The following LINGO1 variants were observed in gnomAD, a reference collection of about 807,000 sequenced individuals.
LINGO1 encodes the protein leucine rich repeat and Ig domain containing 1.
Under a neutral mutation model 37.3 loss-of-function variants are expected in LINGO1, and 11 were observed. The ratio of observed to expected loss-of-function variants is 0.29; its 90% CI spans 0.19 to 0.49. The LOEUF is 0.49. Ranked by LOEUF, LINGO1 falls within the 20% of genes least tolerant of loss-of-function variation. The probability of loss-of-function intolerance (pLI) is 0.99; values close to 1 mark genes in which losing one functional copy is unlikely to be tolerated. For synonymous variants in LINGO1, 387 were observed against 403.0 expected, an observed-to-expected ratio of 0.96 and a Z score of 0.48; for missense variants, 585 against 878.2, an observed-to-expected ratio of 0.67 and a Z score of 4.22.
chr15:77,689,850 G>A (rs1302399397), intron 2 of LINGO1, among the ~76,000 whole-genome samples: 3 of 152,114 alleles, frequency 2.0e-5, no homozygotes, highest in African/African-American at 4.8e-5. Context: ...CCAAACCAGC[G>A]ATGTCCCAAA....
At chr15:77,806,706 AC>A (rs1427073271) in intron 1 of LINGO1, among the ~76,000 whole-genome samples, 4 of 151,138 alleles carry the variant, frequency 2.6e-5, no homozygotes, top group African/African-American at 7.3e-5. Context: ...GGGGACCCCG[AC>A]CCCCCAGTCC....
At chr15:77,819,770 C>T (rs918267116) in intron 1 of LINGO1, among the ~76,000 whole-genome samples, 2 of 151,080 alleles carry the variant, frequency 1.3e-5, no homozygotes, top group Admixed American at 1.3e-4. Flanking sequence ...CTCCCGCACC[C>T]TGCCTGGCCG....
chr15:77,795,764 C>T (rs900244228), intron 2 of LINGO1, among the ~76,000 whole-genome samples: 11 of 152,256 alleles, frequency 7.2e-5, no homozygotes, highest in African/African-American at 2.7e-4. Context: ...AGCTGCCTGC[C>T]GGAGCCCTGC....
At chr15:77,661,568 T>C (rs899572524) in intron 3 of LINGO1, among the ~76,000 whole-genome samples, 1 of 152,204 alleles carries the variant, frequency 6.6e-6, no homozygotes, top group Non-Finnish European at 1.5e-5. Context: ...CGCCAGACAC[T>C]ATCTGTTTCC....
chr15:77,810,364 A>C (rs1357830989), intron 1 of LINGO1, among the ~76,000 whole-genome samples: 3 of 152,002 alleles, frequency 2.0e-5, no homozygotes, highest in South Asian at 4.2e-4. Context: ...ACACACACAG[A>C]GGAATCTAGG....
At chr15:77,674,054 ACCACTCCTCTCCCCTACACCAAC>A (rs2075291748) in intron 3 of LINGO1, among the ~76,000 whole-genome samples, 1 of 151,506 alleles carries the variant, frequency 6.6e-6, no homozygotes, top group Non-Finnish European at 1.5e-5. Flanking sequence ...CCACCACTGA[ACCACTCCTCTCCCCTACACCAAC>A]CCGCTCCTCT....
chr15:77,724,187 C>T (rs2076079600), intron 2 of LINGO1, among the ~76,000 whole-genome samples: 1 of 152,208 alleles, frequency 6.6e-6, no homozygotes, highest in East Asian at 1.9e-4. Context: ...CCGCTTCCTC[C>T]AGGTACCCCC....
At chr15:77,630,825 G>A (rs2074233142) in intron 1 of LINGO1, among the ~76,000 whole-genome samples, 2 of 152,178 alleles carry the variant, frequency 1.3e-5, no homozygotes, top group South Asian at 2.1e-4. Context: ...TGGGATCCCC[G>A]ATGTGAGTCT....
intron 1 of LINGO1, among the ~76,000 whole-genome samples, chr15:77,749,643 G>T (rs2076351141): frequency 6.6e-6 from 1 of 152,174 alleles, no homozygotes; most frequent in Admixed American, 6.5e-5. Flanking sequence ...CACGGCTGCT[G>T]CGTGGACTGC....
intron 1 of LINGO1, among the ~76,000 whole-genome samples, chr15:77,748,909 C>CTTTTTTTTTTTTTTTTTTT (rs67399483): frequency 1.1e-5 from 1 of 87,792 alleles, no homozygotes; most frequent in African/African-American, 4.3e-5. Context: ...CCTTCCTTCT[C>CTTTTTTTTTTTTTTTTTTT]TTTTTTTTTT....
intron 3 of LINGO1, chr15:77,648,478 C>T (rs2074686743): frequency 6.5e-6 from 1 of 153,244 alleles, no homozygotes; most frequent in South Asian, 2.0e-4. Flanking sequence ...AGATCTGAAC[C>T]CACATTTATC....
chr15:77,804,934 G>A (rs1282862718), intron 1 of LINGO1, among the ~76,000 whole-genome samples: 5 of 152,218 alleles, frequency 3.3e-5, no homozygotes, highest in African/African-American at 1.2e-4. Flanking sequence ...TGGGAGTGCT[G>A]AGAAGGGCTG....
chr15:77,744,579 A>G (rs1305912317), intron 1 of LINGO1, among the ~76,000 whole-genome samples: 1 of 152,260 alleles, frequency 6.6e-6, no homozygotes, highest in African/African-American at 2.4e-5. Context: ...AACTTGTATT[A>G]AACAGTTAAT....
At chr15:77,757,895 G>T (rs1410333064) in intron 1 of LINGO1, among the ~76,000 whole-genome samples, 2 of 152,216 alleles carry the variant, frequency 1.3e-5, no homozygotes, top group Admixed American at 1.3e-4. Flanking sequence ...AGACCTGCTC[G>T]TTAATCACCG....
chr15:77,791,557 C>T (rs139716356), upstream of LINGO1, among the ~76,000 whole-genome samples: 28 of 151,824 alleles, frequency 1.8e-4, no homozygotes, highest in East Asian at 3.5e-3. Context: ...CCATGAAAGG[C>T]CTTGTACAAG....
chr15:77,791,356 C>T (rs184761381), upstream of LINGO1, among the ~76,000 whole-genome samples: 2 of 149,480 alleles, frequency 1.3e-5, no homozygotes, highest in Admixed American at 1.3e-4. Flanking sequence ...GCGAAAGGCA[C>T]ACGTGGACAC....
chr15:77,777,465 G>GCGCACACA (rs1248160455), intron 1 of LINGO1, among the ~76,000 whole-genome samples: 1 of 140,004 alleles, frequency 7.1e-6, no homozygotes, highest in East Asian at 2.1e-4. Context: ...ATACACACAC[G>GCGCACACA]CACACACACA....
upstream of LINGO1, among the ~76,000 whole-genome samples, chr15:77,698,983 C>T (rs977204217): frequency 1.3e-5 from 2 of 152,094 alleles, no homozygotes; most frequent in African/African-American, 2.4e-5. Flanking sequence ...GCTACGGAGC[C>T]GAGAGAAGGA....
At chr15:77,768,034 G>A (rs2076546769) in intron 1 of LINGO1, among the ~76,000 whole-genome samples, 2 of 152,244 alleles carry the variant, frequency 1.3e-5, no homozygotes, top group African/African-American at 4.8e-5. Flanking sequence ...GCCCAGGGAA[G>A]GACAGAAGAC....
Sources: allele counts gnomAD v4.1 joint callset (sites outside exome capture counted in the v4.1 genomes callset), GRCh38; gene constraint gnomAD v4.1.1; transcripts MANE v1.5; gene names NCBI Gene and HGNC (gene_info 2026-07-23, HGNC 2026-07-21).